Variants in ITIH5 observed in about 807,000 individuals in gnomAD.
ITIH5 encodes the protein inter-alpha-trypsin inhibitor heavy chain 5.
ITIH5 carries 65 observed loss-of-function variants against 77.5 expected under a neutral mutation model. The observed-to-expected ratio is 0.84, with a 90% CI of 0.69 to 1.03. The LOEUF (loss-of-function observed/expected upper bound fraction) is 1.03, where lower values mean the gene tolerates loss of function less well. Ranked by LOEUF, ITIH5 falls within the 50% of genes least tolerant of loss-of-function variation. ITIH5 has a pLI of 0.00. For missense variants in ITIH5, 1,208 were observed against 1,213.1 expected (o/e 1.00, Z 0.06); for synonymous variants, 525 against 494.3 (o/e 1.06, Z -0.82).
intron 13 of ITIH5, among the ~76,000 whole-genome samples, chr10:7,564,974 TAC>T (rs1291554476): frequency 1.4e-5 from 2 of 146,650 alleles, no homozygotes; most frequent in African/African-American, 5.0e-5. Flanking sequence ...CATATACATA[TAC>T]ACACACGTTC....
intron 10 of ITIH5, among the ~76,000 whole-genome samples, chr10:7,574,489 T>TAAAAAAC (rs928501928): frequency 6.6e-6 from 1 of 152,068 alleles, no homozygotes; most frequent in Admixed American, 6.5e-5. Flanking sequence ...AATCTTCATT[T>TAAAAAAC]AAAAAACAAA....
At chr10:7,642,333 AC>A (rs1833903594) in intron 2 of ITIH5, among the ~76,000 whole-genome samples, 1 of 152,178 alleles carries the variant, frequency 6.6e-6, no homozygotes, top group Non-Finnish European at 1.5e-5. Context: ...TTTTAACCTG[AC>A]TTTAACAAGT....
intron 7 of ITIH5, among the ~76,000 whole-genome samples, chr10:7,594,989 T>C (rs1043413499): frequency 6.6e-6 from 1 of 152,182 alleles, no homozygotes; most frequent in Non-Finnish European, 1.5e-5. Context: ...GCACAATCCA[T>C]AGTGAATGGG....
intron 1 of ITIH5, among the ~76,000 whole-genome samples, chr10:7,660,295 A>G (rs1023689661): frequency 3.3e-5 from 5 of 152,236 alleles, no homozygotes; most frequent in African/African-American, 1.2e-4. Context: ...CTTTATGAAG[A>G]AGACAGGGCT....
At chr10:7,639,606 T>C (rs1833851231) in intron 4 of ITIH5, among the ~76,000 whole-genome samples, 1 of 152,172 alleles carries the variant, frequency 6.6e-6, no homozygotes, top group Admixed American at 6.5e-5. Flanking sequence ...GGTTACCAGG[T>C]TCACACCATT....
rs1287265261 is a variant in ITIH5, at chr10:7,566,414, G to A, written c.2150-7C>T. On this transcript the variant is annotated splice_polypyrimidine_tract_variant and splice_region_variant and intron_variant, in intron 12 of 13. Coordinates refer to ENST00000397146, the MANE Select transcript of ITIH5 (RefSeq NM_030569.7). ...TCTCCGTTCACTGTGACACCTCAAAGGCCAAGGGGAAAAGAAGAAGGTTAG... is the reference window on the plus strand; with the variant it reads ...TCTCCGTTCACTGTGACACCTCAAAAGCCAAGGGGAAAAGAAGAAGGTTAG... The A allele has an allele frequency of 1.9e-6, 3 of 1,585,678 alleles. No individual in the cohort carries two copies. In the Admixed American group the frequency reaches 5.1e-5, roughly 27 times the overall value.
chr10:7,580,121 T>C, intron 8 of ITIH5, 57 bp from the exon 9 acceptor site: 1 of 1,401,250 alleles, frequency 7.1e-7, no homozygotes, highest in Non-Finnish European at 9.7e-7. Flanking sequence ...CGCACTCTGA[T>C]TGCACTTTCT....
intron 7 of ITIH5, among the ~76,000 whole-genome samples, chr10:7,590,098 C>A (rs942808499): frequency 6.6e-6 from 1 of 152,150 alleles, no homozygotes; most frequent in African/African-American, 2.4e-5. Context: ...ACCTGCCAAC[C>A]TTTTCTCCCT....
At chr10:7,645,430 A>C (rs7081465) in intron 2 of ITIH5, among the ~76,000 whole-genome samples, 61,785 of 151,942 alleles carry the variant, frequency 0.41, 13,727 homozygotes, top group African/African-American at 0.57. Context: ...CCAAATCCAC[A>C]GAATCAGAAA....
Position 7,617,128 on chromosome 10 carries a change from G to A in ITIH5, c.807C>T (p.Ser269=). The change falls in exon 6 of 14, where the codon AGC becomes AGT. Residue 269 remains serine, a synonymous_variant. Coordinates refer to ENST00000397146, the MANE Select transcript of ITIH5 (RefSeq NM_030569.7). ...ATCCTATTACCTGGATGTCCCCAAT[G>A]CTCTGTTCTCTATTGACGTCATATC... ...IIRYDVNREQ[S]IGDIQVLNGY... 1 of 1,573,874 alleles carries A rather than the reference G, an allele frequency of 6.4e-7. No homozygotes were observed. Among genetic ancestry groups the A allele is most frequent in the Non-Finnish European group, 8.6e-7 (1 of 1,165,028 alleles).
intron 2 of ITIH5, among the ~76,000 whole-genome samples, chr10:7,651,720 C>A (rs1834104209): frequency 6.6e-6 from 1 of 152,178 alleles, no homozygotes; most frequent in Non-Finnish European, 1.5e-5. Flanking sequence ...TAGAGACCAA[C>A]CCTACAGCCA....
At position 7,563,366 on chromosome 10, in the gene ITIH5, T is replaced by G. The variant is rs1291538988; in HGVS notation, c.2546A>C (p.Asp849Ala). 1 of 1,612,796 alleles carries G rather than the reference T, an allele frequency of 6.2e-7. No individual in the cohort carries two copies. Among genetic ancestry groups the G allele is most frequent in the African/African-American group, 1.3e-5 (1 of 74,870 alleles). The change falls in exon 14 of 14, where the codon GAT becomes GCT. Residue 849 changes from aspartate (D) to alanine (A), a missense_variant. Coordinates refer to ENST00000397146, the MANE Select transcript of ITIH5 (RefSeq NM_030569.7). ...HGLLGQFLNQ[D>A]ARLTEDPAGP... Reference sequence around the variant, plus strand: ...TGCAGGGTCTTCTGTGAGTCTGGCATCCTGATTCAGGAACTGACCTGGGAG... The same window carrying G: ...TGCAGGGTCTTCTGTGAGTCTGGCAGCCTGATTCAGGAACTGACCTGGGAG...
intron 2 of ITIH5, among the ~76,000 whole-genome samples, chr10:7,652,061 A>C (rs536551583): frequency 5.9e-5 from 9 of 152,232 alleles, no homozygotes; most frequent in Non-Finnish European, 1.3e-4. Context: ...GATGGCAGCG[A>C]ATCCTCTTGG....
chr10:7,573,270 G>A, intron 10 of ITIH5, 75 bp from the exon 11 acceptor site: 1 of 1,265,764 alleles, frequency 7.9e-7, no homozygotes, highest in Non-Finnish European at 1.2e-6. Flanking sequence ...AGGGAGAGAG[G>A]AGACATGAGC....
rs545709066 is a variant in ITIH5, at chr10:7,587,825, C to T, written c.940-1756G>A. 5.9e-5 allele frequency among the ~76,000 whole-genome samples: 9 copies of T among 152,314 alleles called. No homozygotes were observed. The South Asian group carries it at 1.0e-3, about 18-fold the overall frequency. ...GTGGCTCTGGGACACCCTTGAAACA[C>T]GCTGTAGGTCTCTTCCCCGGTTCAT... is the stretch of plus-strand genomic sequence containing the variant. On this transcript the variant is annotated intron_variant, in intron 7 of 13. Transcript: ENST00000397146.
At chr10:7,627,556 G>A (rs766795546) in intron 5 of ITIH5, among the ~76,000 whole-genome samples, 2 of 152,060 alleles carry the variant, frequency 1.3e-5, no homozygotes, top group Non-Finnish European at 2.9e-5. Flanking sequence ...TTCCAATGAC[G>A]CTTCCTCAGT....
intron 10 of ITIH5, among the ~76,000 whole-genome samples, chr10:7,575,071 G>A (rs188243209): frequency 2.6e-5 from 4 of 152,300 alleles, no homozygotes; most frequent in South Asian, 2.1e-4. Flanking sequence ...CAAGCTCCAC[G>A]CTTTCTGAAA....
intron 7 of ITIH5, among the ~76,000 whole-genome samples, chr10:7,614,745 T>G (rs145227527): frequency 3.9e-5 from 6 of 152,262 alleles, no homozygotes; most frequent in Admixed American, 3.9e-4. Flanking sequence ...CACTGCCAGA[T>G]TTTTAAAATA....
chr10:7,657,713 G>A (rs79944591), intron 1 of ITIH5, among the ~76,000 whole-genome samples: 6,383 of 152,264 alleles, frequency 0.042, 253 homozygotes, highest in African/African-American at 0.11. Context: ...CTCTGCCAGA[G>A]GGATTAGTCC....
Sources: allele counts gnomAD v4.1 joint callset (sites outside exome capture counted in the v4.1 genomes callset), GRCh38; gene constraint gnomAD v4.1.1; transcripts MANE v1.5; gene names NCBI Gene and HGNC (gene_info 2026-07-23, HGNC 2026-07-21).